TRRAP: variants seen among roughly 807,000 people sequenced by gnomAD.
TRRAP encodes the protein transformation/transcription domain-associated protein.
In TRRAP, 41 loss-of-function variants were observed where a neutral mutation model predicts 438.8. The ratio of observed to expected loss-of-function variants is 0.09; its 90% confidence interval spans 0.07 to 0.12. The LOEUF (loss-of-function observed/expected upper bound fraction) is 0.12. Among genes scored for constraint, TRRAP ranks in the 10% least tolerant of loss-of-function variants. TRRAP has a pLI of 1.00. For synonymous variants in TRRAP, 1,994 were observed against 1,962.9 expected, an observed-to-expected ratio of 1.02 and a Z score of -0.42; for missense variants, 3,122 against 5,055.1, an observed-to-expected ratio of 0.62 and a Z score of 11.60.
chr7:98,910,269 G>GC lies in TRRAP; in HGVS notation c.1569dup (p.Val524ArgfsTer49). 1 of 1,282,182 alleles carries GC rather than the reference G, an allele frequency of 7.8e-7. No homozygotes were observed. The highest frequency in any genetic ancestry group is 1.0e-6 in the Non-Finnish European group (1 of 998,686). 79.4% of individuals were successfully genotyped at this position (1,282,182 alleles called of 1,614,324 possible). A position where few individuals can be genotyped will look rare whatever the true frequency, so the allele number is the denominator to read the frequency against. On this transcript the variant is annotated frameshift_variant, in exon 15 of 73. Coordinates refer to ENST00000456197, the MANE Select transcript of TRRAP (RefSeq NM_001375524.1). LOFTEE classifies it high-confidence loss of function. ...CCCACCTGCCACCCCTGTGACCCCG[G>GC]CCCCCGTGCCTCCCTTCGAGAAGCA...
chr7:98,900,908 C>T (rs951954138), intron 11 of TRRAP, among the ~76,000 whole-genome samples, 188 bp downstream of exon 11: 6 of 152,222 alleles, frequency 3.9e-5, no homozygotes, highest in Admixed American at 3.9e-4. Context: ...TTTCTTCCCA[C>T]CACCTCCATT....
At chr7:98,987,482 T>C (rs1165736866) in intron 62 of TRRAP, among the ~76,000 whole-genome samples, 1 of 152,252 alleles carries the variant, frequency 6.6e-6, no homozygotes, top group Non-Finnish European at 1.5e-5. Flanking sequence ...GCCATTTTCT[T>C]CATTTTCACA....
chr7:98,978,842 C>G lies in TRRAP; in HGVS notation c.8572C>G (p.Leu2858Val). 1 of 1,614,254 alleles carries G rather than the reference C, an allele frequency of 6.2e-7. No individual in the cohort carries two copies. Residue 2858 changes from leucine (L) to valine (V), a missense_variant, in exon 58 of 73, where the codon CTC (leucine) becomes GTC (valine). Leu to Val is a conservative substitution (Grantham distance 32, BLOSUM62 1). Around this residue, in one of 24 missense-constraint regions of TRRAP, gnomAD observed 992 missense variants for 1,281.2 expected, o/e 0.77. Coordinates refer to ENST00000456197, the MANE Select transcript of TRRAP (RefSeq NM_001375524.1). ...GTCCAAAGGCCACATCAACCCCTAC[C>G]TCGTCCTGGAGTGCGCCTGGCGGGT... is the stretch of plus-strand genomic sequence containing the variant. Reference protein sequence around the residue: ...GQSKGHINPYLVLECAWRVSN... With the variant: ...GQSKGHINPYVVLECAWRVSN...
intron 5 of TRRAP, 103 bp downstream of exon 5, chr7:98,892,631 C>A: frequency 1.0e-6 from 1 of 999,614 alleles, no homozygotes. Context: ...TATCTTTCTC[C>A]CAAATTCCAA....
At chr7:98,995,828 T>C (rs916193908) in intron 67 of TRRAP, among the ~76,000 whole-genome samples, 5 of 139,570 alleles carry the variant, frequency 3.6e-5, no homozygotes, top group African/African-American at 8.2e-5. Flanking sequence ...ATCTACTTAC[T>C]CTTGTCCCAT....
rs782709856 is a variant in TRRAP, at chr7:98,912,122, A to T, written c.2108A>T (p.Asn703Ile). Reference sequence around the variant, plus strand: ...GATCGCCTGCCAGAAATGGGCTCCAACGTGGAGCTCTCCAACCTGTACCTC... The same window carrying T: ...GATCGCCTGCCAGAAATGGGCTCCATCGTGGAGCTCTCCAACCTGTACCTC... ...LLDRLPEMGSNVELSNLYLKL... is the reference protein window; with the variant it reads ...LLDRLPEMGSIVELSNLYLKL... The change falls in exon 18 of 73, where the codon AAC becomes ATC. Residue 703 changes from asparagine to isoleucine, a missense_variant. Physicochemically the swap from Asn to Ile is moderately radical, Grantham distance 149. Around this residue, in one of 24 missense-constraint regions of TRRAP, gnomAD observed 149 missense variants for 302.8 expected, o/e 0.49. Transcript: ENST00000456197. 1.9e-6 allele frequency: 3 copies of T among 1,614,172 alleles called. No individual in the cohort carries two copies. In the South Asian group the frequency reaches 3.3e-5, roughly 18 times the overall value.
intron 37 of TRRAP, 37 bp from the exon 38 acceptor site, chr7:98,950,027 C>G: frequency 6.2e-7 from 1 of 1,611,204 alleles, no homozygotes; most frequent in South Asian, 1.1e-5. Flanking sequence ...ATGAAATTTG[C>G]TCTAAGTTAA....
rs186302901 is a variant in TRRAP, at chr7:98,942,863, G to A, written c.4405-86G>A. On this transcript the variant is annotated intron_variant, in intron 30 of 72. Transcript: ENST00000456197. ...ACACTGCAGTTCTCACACTAAACAC[G>A]ATGGAAATGAATGATTACATAGTAG... The A allele has an allele frequency of 1.8e-4, 262 of 1,453,166 alleles. 6 individuals are homozygous for A. In the Admixed American group the frequency reaches 4.6e-3, roughly 25 times the overall value. 90.0% of individuals were successfully genotyped at this position (1,453,166 alleles called of 1,614,324 possible).
At chr7:98,922,499 C>G (rs1474261740) in intron 21 of TRRAP, among the ~76,000 whole-genome samples, 1 of 152,172 alleles carries the variant, frequency 6.6e-6, no homozygotes, top group Non-Finnish European at 1.5e-5. Flanking sequence ...CCCACCGTCT[C>G]TCCTCCCTGC....
At chr7:98,951,776 C>T (rs2116619478) in intron 39 of TRRAP, among the ~76,000 whole-genome samples, 1 of 152,346 alleles carries the variant, frequency 6.6e-6, no homozygotes, top group African/African-American at 2.4e-5. Context: ...AGCTGGGCCT[C>T]CTTCCTGAAG....
chr7:98,920,198 C>T (rs972142622), intron 20 of TRRAP, among the ~76,000 whole-genome samples: 45 of 151,942 alleles, frequency 3.0e-4, no homozygotes, highest in African/African-American at 1.0e-3. Context: ...TGGCCGGGTG[C>T]GGTGGCTCAC....
At chr7:98,999,297 C>T (rs1215924015) in intron 67 of TRRAP, 4 of 1,263,140 alleles carry the variant, frequency 3.2e-6, no homozygotes, top group Non-Finnish European at 4.6e-6. Context: ...ACTATTAAAG[C>T]ATTTTATCTG....
chr7:98,959,138 C>T (rs1251124307), intron 44 of TRRAP, among the ~76,000 whole-genome samples: 1 of 151,958 alleles, frequency 6.6e-6, no homozygotes, highest in Non-Finnish European at 1.5e-5. Context: ...GGATGCGCTG[C>T]AGAGGAGGGG....
chr7:98,915,656 T>C (rs1554409470), intron 18 of TRRAP, 67 bp from the exon 19 acceptor site: 6 of 1,529,942 alleles, frequency 3.9e-6, no homozygotes, highest in African/African-American at 1.4e-5. Context: ...AGTGACACTT[T>C]AGAGTCTGGA....
chr7:98,898,072 G>T (rs1796302847), intron 8 of TRRAP, among the ~76,000 whole-genome samples: 1 of 152,188 alleles, frequency 6.6e-6, no homozygotes, highest in African/African-American at 2.4e-5. Context: ...GAAAGATAAG[G>T]TTGTTGTTGA....
chr7:98,931,347 G>A (rs993858763), intron 25 of TRRAP, 58 bp from the exon 26 acceptor site: 14 of 1,584,700 alleles, frequency 8.8e-6, no homozygotes, highest in African/African-American at 5.4e-5. Flanking sequence ...TGCAGGAGAC[G>A]GCAGTTGCAG....
At chr7:98,938,510 A>G (rs4729502) in intron 30 of TRRAP, among the ~76,000 whole-genome samples, 106,911 of 152,062 alleles carry the variant, frequency 0.7, 42,122 homozygotes, top group South Asian at 0.88. Context: ...TGTTTTATAT[A>G]TGTAAGAGGA....
rs11768515 is a variant in TRRAP, at chr7:98,949,276, G to C, written c.4789-141G>C. The C allele has an allele frequency of 0.032, 31,666 of 996,532 alleles. 4,872 individuals are homozygous for C. The African/African-American group carries it at 0.4, about 13-fold the overall frequency. 61.7% of individuals were successfully genotyped at this position (996,532 alleles called of 1,614,324 possible). On this transcript the variant is annotated intron_variant, in intron 35 of 72. Coordinates refer to ENST00000456197, the MANE Select transcript of TRRAP (RefSeq NM_001375524.1). Reference sequence around the variant, plus strand: ...AAAAGCATCTTTTTAAAAAGCATGCGTGTGGTGCTTTTTTGGTAAGCCTTC... The same window carrying C: ...AAAAGCATCTTTTTAAAAAGCATGCCTGTGGTGCTTTTTTGGTAAGCCTTC...
At chr7:98,973,954 C>G (rs939535493) in intron 53 of TRRAP, among the ~76,000 whole-genome samples, 4 of 152,122 alleles carry the variant, frequency 2.6e-5, no homozygotes, top group Non-Finnish European at 5.9e-5. Flanking sequence ...CTTTTGTGTC[C>G]CATTTTCCTC....
Sources: gnomAD v4.1 joint callset for allele counts (sites outside exome capture counted in the v4.1 genomes callset) on GRCh38, gnomAD v4.1.1 for gene constraint, gnomAD v4.1.1 regional missense constraint, MANE v1.5 for transcripts, NCBI Gene and HGNC (gene_info 2026-07-23, HGNC 2026-07-21) for gene names.